Variants in SLC22A15 observed in about 807,000 individuals in gnomAD.
SLC22A15 encodes solute carrier family 22 member 15, also known as flipt 1.
Under a neutral mutation model 62.7 loss-of-function variants are expected in SLC22A15, and 45 were observed. The ratio of observed to expected loss-of-function variants is 0.72; its 90% CI spans 0.56 to 0.92. SLC22A15 has a LOEUF of 0.92. Among genes scored for constraint, SLC22A15 ranks in the 40% least tolerant of loss-of-function variants. The pLI is 0.00. For missense variants in SLC22A15, 622 were observed against 665.6 expected, an observed-to-expected ratio of 0.93 and a Z score of 0.72; for synonymous variants, 264 against 267.0, an observed-to-expected ratio of 0.99 and a Z score of 0.11.
chr1:116,022,165 C>A (rs115247449), intron 4 of SLC22A15, among the ~76,000 whole-genome samples: 1 of 152,276 alleles, frequency 6.6e-6, no homozygotes, highest in African/African-American at 2.4e-5. Context: ...AGGCTTCCTG[C>A]TGGTCTCAAA....
chr1:116,035,143 C>T (rs565511894), intron 6 of SLC22A15, 44 bp from the exon 7 acceptor site: 2 of 1,586,402 alleles, frequency 1.3e-6, no homozygotes, highest in African/African-American at 1.3e-5. Context: ...TTTCTGTTGT[C>T]CTTCTTGTCT....
chr1:116,052,055 G>C (rs1658068248), intron 8 of SLC22A15, among the ~76,000 whole-genome samples: 1 of 152,214 alleles, frequency 6.6e-6, no homozygotes, highest in African/African-American at 2.4e-5. Flanking sequence ...AGTGGGCGCA[G>C]GACAGTGGGT....
At chr1:116,045,475 A>G (rs1188588926) in intron 8 of SLC22A15, among the ~76,000 whole-genome samples, 6 of 151,664 alleles carry the variant, frequency 4.0e-5, no homozygotes, top group Non-Finnish European at 8.8e-5. Context: ...ATGGTGGCTC[A>G]TGCATGTAAT....
chr1:116,016,047 C>T (rs1432545744), intron 2 of SLC22A15, among the ~76,000 whole-genome samples: 1 of 152,004 alleles, frequency 6.6e-6, no homozygotes, highest in Non-Finnish European at 1.5e-5. Context: ...CTCTTTTAAT[C>T]TCTTTTATAT....
intron 3 of SLC22A15, 72 bp downstream of exon 3, chr1:116,019,786 G>A: frequency 6.8e-7 from 1 of 1,477,648 alleles, no homozygotes; most frequent in Non-Finnish European, 9.2e-7. Flanking sequence ...AAATAATAAG[G>A]GGACTATTTC....
chr1:116,037,027 T>G (rs1657647154), intron 7 of SLC22A15, among the ~76,000 whole-genome samples: 1 of 152,224 alleles, frequency 6.6e-6, no homozygotes, highest in Non-Finnish European at 1.5e-5. Context: ...AAACAGTGTC[T>G]GAAACTTAGG....
chr1:116,019,505 A>C, intron 2 of SLC22A15, 77 bp from the exon 3 acceptor site: 2 of 1,414,176 alleles, frequency 1.4e-6, no homozygotes, highest in South Asian at 1.5e-5. Flanking sequence ...TCTGGTGTAC[A>C]AGTTTTTGTT....
chr1:116,055,324 C>G (rs1270288667), intron 8 of SLC22A15, among the ~76,000 whole-genome samples: 1 of 152,200 alleles, frequency 6.6e-6, no homozygotes, highest in Admixed American at 6.5e-5. Context: ...ATAAATTCCT[C>G]TACACATACA....
intron 8 of SLC22A15, among the ~76,000 whole-genome samples, chr1:116,042,495 G>A (rs189388560): frequency 1.3e-5 from 2 of 152,220 alleles, no homozygotes; most frequent in Non-Finnish European, 2.9e-5. Context: ...TCAGTGAATT[G>A]TGGGACAATA....
At chr1:115,981,615 A>C (rs966619853) in intron 1 of SLC22A15, among the ~76,000 whole-genome samples, 1 of 152,172 alleles carries the variant, frequency 6.6e-6, no homozygotes, top group Non-Finnish European at 1.5e-5. Context: ...AAAGTTGTTG[A>C]TCTATTAGAC....
chr1:116,033,359 C>A (rs1218248517), intron 6 of SLC22A15, among the ~76,000 whole-genome samples: 4 of 152,006 alleles, frequency 2.6e-5, no homozygotes, highest in Non-Finnish European at 2.9e-5. Flanking sequence ...ATTATGGATC[C>A]CAATGACCAA....
intron 1 of SLC22A15, among the ~76,000 whole-genome samples, chr1:115,990,988 C>A (rs928979705): frequency 6.6e-6 from 1 of 152,136 alleles, no homozygotes; most frequent in Admixed American, 6.5e-5. Flanking sequence ...AAACTCCTGA[C>A]CTCAAGTGAT....
chr1:116,032,599 C>G (rs1557898418), intron 6 of SLC22A15: 1 of 985,404 alleles, frequency 1.0e-6, no homozygotes, highest in East Asian at 1.1e-4. Flanking sequence ...GTGGCTGCCA[C>G]CTGTATGGTT....
intron 2 of SLC22A15, among the ~76,000 whole-genome samples, chr1:115,997,642 G>A (rs1282915901): frequency 2.0e-5 from 3 of 151,926 alleles, no homozygotes; most frequent in Non-Finnish European, 4.4e-5. Flanking sequence ...GATTTTATAT[G>A]TTCATTTTGT....
In SLC22A15 at chr1:116,019,628, C is replaced by T; in HGVS notation, c.347C>T (p.Ser116Phe). The T allele has an allele frequency of 6.2e-7, 1 of 1,613,056 alleles. No homozygotes were observed. Among genetic ancestry groups the T allele is most frequent in the South Asian group, 1.1e-5 (1 of 90,852 alleles). ...NRSYKVSAAS[S>F]FFFSGVFVGV... ...TCCTACAAAGTCAGTGCAGCAAGCTCTTTTTTCTTCAGTGGTGTATTTGTT... is the reference window on the plus strand; with the variant it reads ...TCCTACAAAGTCAGTGCAGCAAGCTTTTTTTTCTTCAGTGGTGTATTTGTT... Residue 116 changes from serine (S) to phenylalanine (F), a missense_variant, in exon 3 of 12, where the codon TCT (serine) becomes TTT (phenylalanine). Coordinates refer to ENST00000369503, the MANE Select transcript of SLC22A15 (RefSeq NM_018420.3).
Position 116,031,357 on chromosome 1 carries a change from C to G in SLC22A15, c.729-9C>G, listed in dbSNP as rs1657383889. The G allele has an allele frequency of 6.2e-7, 1 of 1,607,198 alleles. No homozygotes were observed. The highest frequency in any genetic ancestry group is 8.5e-7 in the Non-Finnish European group (1 of 1,175,416). On this transcript the variant is annotated splice_polypyrimidine_tract_variant and intron_variant, in intron 5 of 11. Transcript: ENST00000369503. ...ATGAATATACAGGCTTTAATGACAT[C>G]TCTTTCAGATTCATTCCTGAATCAC...
chr1:116,058,551 C>A (rs766079507), intron 8 of SLC22A15, among the ~76,000 whole-genome samples: 2 of 152,096 alleles, frequency 1.3e-5, no homozygotes, highest in Non-Finnish European at 2.9e-5. Context: ...TATGGAAAAC[C>A]GTGTGAAGAT....
At position 116,067,261 on chromosome 1, in the gene SLC22A15, C is replaced by G. The variant is rs982794142; in HGVS notation, c.*153C>G. 1.0e-5 allele frequency: 6 copies of G among 602,992 alleles called. No individual in the cohort carries two copies. Among genetic ancestry groups the G allele is most frequent in the Non-Finnish European group, 1.5e-5 (5 of 340,866 alleles). The allele number at this position is 602,992 out of a possible 1,614,324, so 37.4% of individuals were successfully genotyped here. On this transcript the variant is annotated 3_prime_UTR_variant, in exon 12 of 12. Transcript: ENST00000369503. ...TGGCATGGACTGATGTTTTTAGGCA[C>G]AGAAGTTGGAGAAGAGATTTCATGA... is the stretch of plus-strand genomic sequence containing the variant.
At chr1:115,978,859 T>A (rs1654456662) in intron 1 of SLC22A15, among the ~76,000 whole-genome samples, 1 of 152,190 alleles carries the variant, frequency 6.6e-6, no homozygotes, top group African/African-American at 2.4e-5. Context: ...AGAAGCCCTT[T>A]TTACACAGTT....
Sources: gnomAD v4.1 joint callset for allele counts (sites outside exome capture counted in the v4.1 genomes callset) on GRCh38, gnomAD v4.1.1 for gene constraint, MANE v1.5 for transcripts, NCBI Gene and HGNC (gene_info 2026-07-23, HGNC 2026-07-21) for gene names.